The following RSPH10B variants were observed in gnomAD, a reference collection of about 807,000 sequenced individuals.
The protein encoded by RSPH10B is radial spoke head 10 homolog B (Chlamydomonas).
Under a neutral mutation model 52.5 loss-of-function variants are expected in RSPH10B, and 7 were observed. The ratio of observed to expected loss-of-function variants is 0.13; its 90% CI spans 0.08 to 0.25. The LOEUF (loss-of-function observed/expected upper bound fraction) is 0.25. RSPH10B is among the 10% of genes least tolerant of loss of function. The probability of loss-of-function intolerance (pLI) is 1.00; values close to 1 mark genes in which losing one functional copy is unlikely to be tolerated. For missense variants in RSPH10B, 89 were observed against 542.5 expected, an observed-to-expected ratio of 0.16 and a Z score of 8.30; for synonymous variants, 28 against 193.2, an observed-to-expected ratio of 0.14 and a Z score of 7.09.
intron 13 of RSPH10B, among the ~76,000 whole-genome samples, chr7:5,941,802 A>C (rs2528293): frequency 7.9e-6 from 1 of 127,254 alleles, no homozygotes; most frequent in Non-Finnish European, 1.8e-5. Flanking sequence ...ACATTGTATA[A>C]ATGTTGTCAC....
rs1333193152 is a variant in RSPH10B, at chr7:5,966,457, A to G, written c.254+406T>C. Among the ~76,000 whole-genome samples the G allele has an allele frequency of 5.3e-5, 6 of 112,772 alleles. 3 individuals carry two copies. Among genetic ancestry groups the G allele is most frequent in the Non-Finnish European group, 7.6e-5 (4 of 52,336 alleles). The allele number at this position is 112,772 out of a possible 152,430, so 74.0% of individuals were successfully genotyped here. A position where few individuals can be genotyped will look rare whatever the true frequency, so the allele number is the denominator to read the frequency against. On this transcript the variant is annotated intron_variant, in intron 1 of 18. Coordinates refer to ENST00000337579, the Ensembl canonical transcript of RSPH10B. ...ACATGCCCATGTAACAAACCTGCAC[A>G]TGTAACCCTCTAAATCTAAAATAAA... is the stretch of plus-strand genomic sequence containing the variant.
intron 13 of RSPH10B, 137 bp downstream of exon 15, chr7:5,943,187 A>C: frequency 1.3e-6 from 2 of 1,513,802 alleles, no homozygotes; most frequent in East Asian, 2.3e-5. Flanking sequence ...AGACTCAGTA[A>C]ACATTTAATG....
chr7:5,953,863 G>T (rs1780656224), intron 7 of RSPH10B, among the ~76,000 whole-genome samples: 1 of 137,584 alleles, frequency 7.3e-6, no homozygotes. Context: ...TTTTTTTTTT[G>T]AGACGGAGTC....
intron 17 of RSPH10B, 88 bp from the exon 20 acceptor site, chr7:5,928,482 G>A (rs1327221265): frequency 6.4e-7 from 1 of 1,556,062 alleles, no homozygotes; most frequent in African/African-American, 1.4e-5. Context: ...TAGCCTCCCT[G>A]GGGTGGGCCC....
At chr7:5,968,840 T>TG (rs1270222772), upstream of RSPH10B, among the ~76,000 whole-genome samples, 58 of 57,450 alleles carry the variant, frequency 1.0e-3, 1 homozygote, top group African/African-American at 3.2e-3. Flanking sequence ...TGGGTTTGTT[T>TG]TTTTTTTTTT....
At chr7:5,942,780 T>G (rs975430964) in intron 13 of RSPH10B, among the ~76,000 whole-genome samples, 2 of 150,734 alleles carry the variant, frequency 1.3e-5, no homozygotes, top group African/African-American at 4.9e-5. Context: ...GAGAATTGCT[T>G]GAACCCAGGA....
chr7:5,950,325 CT>C (rs1377993559), intron 9 of RSPH10B, among the ~76,000 whole-genome samples: 2 of 151,942 alleles, frequency 1.3e-5, no homozygotes, highest in Admixed American at 1.3e-4. Flanking sequence ...AATCCCAGCA[CT>C]TTGGGAGGCT....
chr7:5,927,050 A>ATG (rs755187713), intron 18 of RSPH10B, among the ~76,000 whole-genome samples: 12,774 of 54,984 alleles, frequency 0.23, 408 homozygotes, highest in Non-Finnish European at 0.25. Flanking sequence ...TGTGTGTATT[A>ATG]TGTGTGTGTG....
intron 13 of RSPH10B, among the ~76,000 whole-genome samples, chr7:5,940,932 TAA>T (rs1491150060): frequency 2.9e-5 from 2 of 68,370 alleles, no homozygotes; most frequent in African/African-American, 1.1e-4. Context: ...AAAATAATAA[TAA>T]TAATAATAAT....
intron 7 of RSPH10B, among the ~76,000 whole-genome samples, chr7:5,954,988 T>TAAAAAAAAAAAAAAAAA (rs1185408288): frequency 2.5e-4 from 6 of 24,160 alleles, no homozygotes; most frequent in African/African-American, 3.3e-4. Context: ...CTGTAACTAC[T>TAAAAAAAAAAAAAAAAA]AAAAAAAAAA....
intron 13 of RSPH10B, 81 bp downstream of exon 15, chr7:5,943,243 A>G: frequency 6.4e-7 from 1 of 1,561,106 alleles, no homozygotes; most frequent in South Asian, 1.2e-5. Context: ...TTTGCATATC[A>G]CAGCTGGAAT....
chr7:5,927,076 G>GTGTATATATA (rs1554284575), intron 18 of RSPH10B, among the ~76,000 whole-genome samples: 125 of 131,522 alleles, frequency 9.5e-4, no homozygotes, highest in East Asian at 9.4e-3. Context: ...GTATATGTGT[G>GTGTATATATA]TGTGTGTGTG....
chr7:5,961,803 G>T (rs1198814362), intron 3 of RSPH10B, among the ~76,000 whole-genome samples: 2 of 604 alleles, frequency 3.3e-3, no homozygotes, highest in African/African-American at 0.014. Flanking sequence ...CCCCCAAGTA[G>T]CTGAGACTAC....
At chr7:5,927,006 C>A (rs796520216) in intron 18 of RSPH10B, among the ~76,000 whole-genome samples, 1 of 149,252 alleles carries the variant, frequency 6.7e-6, no homozygotes, top group African/African-American at 2.5e-5. Flanking sequence ...CCACCCACCT[C>A]GGCCTCCCAA....
chr7:5,931,420 G>A (rs1382332105), intron 17 of RSPH10B, among the ~76,000 whole-genome samples: 1 of 151,476 alleles, frequency 6.6e-6, no homozygotes, highest in Non-Finnish European at 1.5e-5. Flanking sequence ...CGGCCATAGA[G>A]AGACACCGTC....
At chr7:5,938,414 CAA>C (rs563728539) in intron 14 of RSPH10B, among the ~76,000 whole-genome samples, 1 of 113,026 alleles carries the variant, frequency 8.8e-6, no homozygotes. Context: ...AAAAAAAATA[CAA>C]AAAAAAAAAA....
intron 17 of RSPH10B, among the ~76,000 whole-genome samples, chr7:5,931,397 T>C (rs1209341345): frequency 4.6e-5 from 7 of 151,482 alleles, no homozygotes; most frequent in African/African-American, 9.7e-5. Context: ...AAGTCCACCA[T>C]TGAGTGGGCG....
rs1268163866 is a variant in RSPH10B, at chr7:5,944,708, C to T, written c.1529+356G>A. Among the ~76,000 whole-genome samples the T allele has an allele frequency of 3.4e-5, 5 of 146,530 alleles. No individual in the cohort carries two copies. In the East Asian group the frequency reaches 7.9e-4, roughly 23 times the overall value. ...GCATGGTGGCTCACGCCTGTAATCC[C>T]AGAACTTTGAGAGGCTGAGGCAGGT... On this transcript the variant is annotated intron_variant, in intron 11 of 18. Coordinates refer to ENST00000337579, the Ensembl canonical transcript of RSPH10B.
chr7:5,960,374 T>C (rs1335961058), intron 4 of RSPH10B, among the ~76,000 whole-genome samples: 3 of 51,644 alleles, frequency 5.8e-5, no homozygotes. Flanking sequence ...GATGGCACCA[T>C]TGCACTCCCG....
Sources: allele counts gnomAD v4.1 joint callset (sites outside exome capture counted in the v4.1 genomes callset), GRCh38; gene constraint gnomAD v4.1.1; transcripts MANE v1.5; gene names NCBI Gene and HGNC (gene_info 2026-07-23, HGNC 2026-07-21).